The following EYA2 variants were observed in gnomAD, a reference collection of about 807,000 sequenced individuals.
The protein encoded by EYA2 is EYA transcriptional coactivator and phosphatase 2, also known as protein phosphatase EYA2.
A neutral mutation model predicts 69.2 loss-of-function variants in EYA2; 31 were observed. That is an observed-to-expected ratio of 0.45 (90% CI 0.34 to 0.60). The LOEUF (loss-of-function observed/expected upper bound fraction) is 0.60, where lower values mean the gene tolerates loss of function less well. EYA2 is among the 20% of genes least tolerant of loss of function. EYA2 has a pLI of 0.02. For synonymous variants in EYA2, 257 were observed against 279.4 expected (o/e 0.92, Z 0.80); for missense variants, 622 against 701.2 (o/e 0.89, Z 1.28).
chr20:47,097,483 G>A (rs1168053969), intron 9 of EYA2, among the ~76,000 whole-genome samples: 1 of 152,238 alleles, frequency 6.6e-6, no homozygotes, highest in Non-Finnish European at 1.5e-5. Flanking sequence ...TGCAGCCAAA[G>A]CCAGTAATTC....
chr20:47,025,680 T>C (rs1984038381), intron 5 of EYA2, among the ~76,000 whole-genome samples: 2 of 152,176 alleles, frequency 1.3e-5, no homozygotes. Flanking sequence ...AGGGCAAATT[T>C]CCAAAAAGTA....
chr20:47,134,782 C>A (rs1286940275), intron 9 of EYA2, among the ~76,000 whole-genome samples: 1 of 152,122 alleles, frequency 6.6e-6, no homozygotes, highest in African/African-American at 2.4e-5. Flanking sequence ...CATAAATAAA[C>A]ATTAAGTGAT....
intron 1 of EYA2, among the ~76,000 whole-genome samples, chr20:46,948,799 G>A (rs535759490): frequency 6.6e-6 from 1 of 152,292 alleles, no homozygotes; most frequent in South Asian, 2.1e-4. Flanking sequence ...CAAGTATTAT[G>A]TTCACTTCTC....
At chr20:46,970,071 A>G (rs958477314) in intron 1 of EYA2, among the ~76,000 whole-genome samples, 54 of 152,368 alleles carry the variant, frequency 3.5e-4, no homozygotes, top group African/African-American at 1.3e-3. Context: ...TAATATTAAA[A>G]CATAGATCAA....
intron 5 of EYA2, among the ~76,000 whole-genome samples, chr20:47,068,830 G>A (rs910524827): frequency 3.3e-5 from 5 of 152,144 alleles, no homozygotes; most frequent in African/African-American, 1.2e-4. Flanking sequence ...ATAAAAAGTA[G>A]TGTGGGCTCT....
At chr20:47,014,151 C>T (rs143939701) in intron 4 of EYA2, among the ~76,000 whole-genome samples, 8 of 152,208 alleles carry the variant, frequency 5.3e-5, no homozygotes, top group Admixed American at 5.2e-4. Flanking sequence ...CCTAACAACC[C>T]ATCATTTCAC....
At chr20:47,142,977 C>T (rs547628645) in intron 9 of EYA2, 82 bp from the exon 10 acceptor site, 45 of 1,303,984 alleles carry the variant, frequency 3.5e-5, no homozygotes, top group African/African-American at 1.9e-4. Context: ...AACTGCTTTT[C>T]GGCAGTGGAA....
At chr20:47,082,525 A>G (rs995542202) in intron 7 of EYA2, among the ~76,000 whole-genome samples, 1 of 152,366 alleles carries the variant, frequency 6.6e-6, no homozygotes, top group Non-Finnish European at 1.5e-5. Flanking sequence ...GGCAAAAGAT[A>G]TGCATGACTT....
At chr20:47,024,206 A>G (rs1983946182) in intron 5 of EYA2, among the ~76,000 whole-genome samples, 1 of 152,162 alleles carries the variant, frequency 6.6e-6, no homozygotes, top group South Asian at 2.1e-4. Context: ...TCCTATAAAT[A>G]CTTTTGAGCT....
rs867456608 is a variant in EYA2, at chr20:46,948,858, T to A, written c.-10-41143T>A. ...GCTTGAGATGATCGCTCCATAAATG[T>A]AGTGTTGAAATCTATACTTGTGGAA... On this transcript the variant is annotated intron_variant, in intron 1 of 15. Transcript: ENST00000327619. Among the ~76,000 whole-genome samples the A allele has an allele frequency of 2.0e-5, 3 of 152,218 alleles. No individual in the cohort carries two copies. In the South Asian group the frequency reaches 6.2e-4, roughly 32 times the overall value.
chr20:47,138,617 G>A (rs995920895), intron 9 of EYA2, among the ~76,000 whole-genome samples: 8 of 152,092 alleles, frequency 5.3e-5, no homozygotes, highest in South Asian at 4.2e-4. Context: ...TTAGCCAGGC[G>A]TGGTGGTGCA....
chr20:46,912,941 C>G (rs1305044330), intron 1 of EYA2, among the ~76,000 whole-genome samples: 1 of 151,440 alleles, frequency 6.6e-6, no homozygotes, highest in Non-Finnish European at 1.5e-5. Context: ...ACCTCATGAT[C>G]CACCCGCCTC....
rs1431270522 is a variant in EYA2 at position 46,984,215 on chromosome 20, A to G, written c.-10-5786A>G. Among the ~76,000 whole-genome samples, 3 of 152,222 alleles carry G rather than the reference A, an allele frequency of 2.0e-5. 1 individual carries two copies. Among genetic ancestry groups the G allele is most frequent in the African/African-American group, 7.2e-5 (3 of 41,456 alleles). On this transcript the variant is annotated intron_variant, in intron 1 of 15. Transcript: ENST00000327619. ...CCAAGAATAGAGAAAGGATTTTTAC[A>G]CCTACAAAAAGAAATTATTAGGTAA...
At chr20:47,150,292 C>G (rs949788295) in intron 10 of EYA2, among the ~76,000 whole-genome samples, 9 of 152,210 alleles carry the variant, frequency 5.9e-5, no homozygotes, top group African/African-American at 2.2e-4. Flanking sequence ...TGGACGTCAT[C>G]ACGGCCTTCT....
At chr20:46,904,508 G>C (rs1984261926) in intron 1 of EYA2, among the ~76,000 whole-genome samples, 1 of 151,974 alleles carries the variant, frequency 6.6e-6, no homozygotes, top group South Asian at 2.1e-4. Context: ...AGCCACAATG[G>C]GGACATTGTG....
At chr20:47,030,888 C>G (rs1984373768) in intron 5 of EYA2, among the ~76,000 whole-genome samples, 1 of 152,198 alleles carries the variant, frequency 6.6e-6, no homozygotes, top group Non-Finnish European at 1.5e-5. Context: ...TCCTGAGTAG[C>G]TGAGACTACA....
chr20:47,108,788 C>G (rs928261228), intron 9 of EYA2, among the ~76,000 whole-genome samples: 1 of 151,972 alleles, frequency 6.6e-6, no homozygotes, highest in African/African-American at 2.4e-5. Context: ...CTCCTGGGCT[C>G]AAGCGATCCT....
intron 10 of EYA2, among the ~76,000 whole-genome samples, chr20:47,144,134 G>T (rs2033655264): frequency 6.6e-6 from 1 of 152,194 alleles, no homozygotes; most frequent in Non-Finnish European, 1.5e-5. Flanking sequence ...GAGGCGGGTG[G>T]ATCACAAGGT....
At chr20:47,181,385 C>T (rs894811896) in intron 14 of EYA2, among the ~76,000 whole-genome samples, 3 of 152,188 alleles carry the variant, frequency 2.0e-5, no homozygotes, top group African/African-American at 7.2e-5. Flanking sequence ...AGAGTCCTAG[C>T]CCATCCTCAT....
Sources: allele counts gnomAD v4.1 joint callset (sites outside exome capture counted in the v4.1 genomes callset), GRCh38; gene constraint gnomAD v4.1.1; transcripts MANE v1.5; gene names NCBI Gene and HGNC (gene_info 2026-07-23, HGNC 2026-07-21).